The following DEFB131A variants were observed in gnomAD, a reference collection of about 807,000 sequenced individuals.
DEFB131A encodes beta-defensin 131A.
In DEFB131A, 5 loss-of-function variants were observed where a neutral mutation model predicts 2.4. That is an observed-to-expected ratio of 2.12 (90% CI 1.11 to 4.47). The LOEUF (loss-of-function observed/expected upper bound fraction) is 4.47, where lower values mean the gene tolerates loss of function less well. Among genes scored for constraint, DEFB131A ranks in the 30% most tolerant of loss-of-function variants. The pLI, the probability that DEFB131A is intolerant of heterozygous loss-of-function variation, is 0.00. For missense variants in DEFB131A, 120 were observed against 79.9 expected (o/e 1.50, Z -1.91); for synonymous variants, 34 against 25.7 (o/e 1.32, Z -0.97).
At chr4:9,448,693 T>C (rs1717569736) in intron 1 of DEFB131A, among the ~76,000 whole-genome samples, 2 of 152,164 alleles carry the variant, frequency 1.3e-5, no homozygotes, top group Non-Finnish European at 2.9e-5. Context: ...TCACCAGTAG[T>C]CCTACCTTAC....
At chr4:9,449,468 G>T (rs747995706) in intron 1 of DEFB131A, among the ~76,000 whole-genome samples, 14 of 149,242 alleles carry the variant, frequency 9.4e-5, no homozygotes, top group South Asian at 2.1e-4. Flanking sequence ...TCAATACTTC[G>T]TACTGAGAAA....
chr4:9,446,979 T>C (rs1338389650), intron 1 of DEFB131A, among the ~76,000 whole-genome samples: 17 of 152,176 alleles, frequency 1.1e-4, no homozygotes. Context: ...TTTTCAAAAT[T>C]TGTTGAAACT....
At chr4:9,449,266 C>A (rs773171717) in intron 1 of DEFB131A, among the ~76,000 whole-genome samples, 1 of 140,512 alleles carries the variant, frequency 7.1e-6, no homozygotes, top group African/African-American at 2.6e-5. Context: ...CTATTCAAAG[C>A]AATTTATAGA....
chr4:9,450,012 C>G (rs1717614066), intron 1 of DEFB131A, among the ~76,000 whole-genome samples: 2 of 152,274 alleles, frequency 1.3e-5, no homozygotes, highest in African/African-American at 4.8e-5. Context: ...TCCCCAATGA[C>G]TTTCTCAAGA....
chr4:9,446,777 T>A (rs895437820), intron 1 of DEFB131A, among the ~76,000 whole-genome samples: 1 of 152,144 alleles, frequency 6.6e-6, no homozygotes, highest in Non-Finnish European at 1.5e-5. Flanking sequence ...GGTTTTGGTA[T>A]GTTGTGTTTC....
chr4:9,446,957 T>C (rs111414318), intron 1 of DEFB131A, among the ~76,000 whole-genome samples: 7 of 152,198 alleles, frequency 4.6e-5, no homozygotes, highest in Non-Finnish European at 8.8e-5. Context: ...ATATACTTGA[T>C]ATAATGTTGA....
At chr4:9,445,813 G>T (rs764174300) in intron 1 of DEFB131A, among the ~76,000 whole-genome samples, 4 of 151,990 alleles carry the variant, frequency 2.6e-5, no homozygotes, top group African/African-American at 9.7e-5. Flanking sequence ...GTTTATAACC[G>T]CAAGAAGAAA....
In DEFB131A at chr4:9,444,514, C is replaced by A. The variant is rs763125985; in HGVS notation, c.-20C>A. 1.2e-5 allele frequency: 19 copies of A among 1,610,772 alleles called. No homozygotes were observed. The highest frequency in any genetic ancestry group is 1.5e-5 in the Non-Finnish European group (18 of 1,179,366). On this transcript the variant is annotated 5_prime_UTR_variant, in exon 1 of 2. Transcript: ENST00000334879. ...CATCTCAGCTACTGATTCTCTCTAA[C>A]CTGCTTTACCTATTCAACCATGAGG...
Position 9,450,543 on chromosome 4 carries a change from C to T in DEFB131A, c.*29C>T, listed in dbSNP as rs775716773. On this transcript the variant is annotated 3_prime_UTR_variant, in exon 2 of 2. Transcript: ENST00000334879. ...TTCTAACTCCATCTTCTTCAGACTC[C>T]GGGACAAAAAACATGTCTTAAACTC... is the stretch of plus-strand genomic sequence containing the variant. 2.1e-5 allele frequency: 34 copies of T among 1,596,208 alleles called. 1 individual carries two copies. The highest frequency in any genetic ancestry group is 1.9e-4 in the African/African-American group (14 of 74,300).
Position 9,450,272 on chromosome 4 carries a change from G to A in DEFB131A, c.59-88G>A, listed in dbSNP as rs149914451. 3.8e-5 allele frequency: 49 copies of A among 1,301,354 alleles called. No homozygotes were observed. The African/African-American group carries it at 6.2e-4, about 16-fold the overall frequency. The allele number at this position is 1,301,354 out of a possible 1,614,324, so 80.6% of individuals were successfully genotyped here. On this transcript the variant is annotated intron_variant, in intron 1 of 1. Coordinates refer to ENST00000334879, the MANE Select transcript of DEFB131A (RefSeq NM_001040448.3). ...TGTTTTTCTGGGAAAGTTCTGTAAT[G>A]TTTTTAATTTATTATAAAACATTTC...
chr4:9,448,742 G>T (rs1159921530), intron 1 of DEFB131A, among the ~76,000 whole-genome samples: 1 of 152,064 alleles, frequency 6.6e-6, no homozygotes, highest in Non-Finnish European at 1.5e-5. Flanking sequence ...ATACTCAATG[G>T]TGAAAAACTA....
intron 1 of DEFB131A, among the ~76,000 whole-genome samples, chr4:9,449,513 C>T (rs1206647218): frequency 1.3e-5 from 2 of 150,552 alleles, no homozygotes; most frequent in Non-Finnish European, 3.0e-5. Context: ...TAAAACTGGG[C>T]CTGTATCTTA....
chr4:9,445,851 C>A (rs1346676936), intron 1 of DEFB131A, among the ~76,000 whole-genome samples: 1 of 152,226 alleles, frequency 6.6e-6, no homozygotes, highest in African/African-American at 2.4e-5. Context: ...CCCTAGCAAC[C>A]ACTGATCTAA....
At chr4:9,449,720 G>T (rs1373631408) in intron 1 of DEFB131A, among the ~76,000 whole-genome samples, 1 of 152,060 alleles carries the variant, frequency 6.6e-6, no homozygotes, top group Non-Finnish European at 1.5e-5. Context: ...GAGATTATGG[G>T]TTATAGGCTC....
intron 1 of DEFB131A, among the ~76,000 whole-genome samples, chr4:9,447,399 A>C (rs1717529817): frequency 6.6e-6 from 1 of 152,134 alleles, no homozygotes; most frequent in East Asian, 1.9e-4. Flanking sequence ...TGTCCAATAT[A>C]AATATAGATG....
chr4:9,450,628 G>A lies in DEFB131A; in HGVS notation c.*114G>A, dbSNP rs1157347843. On this transcript the variant is annotated 3_prime_UTR_variant, in exon 2 of 2. Transcript: ENST00000334879. Reference sequence around the variant, plus strand: ...ATTATTATAATTGCATGTTTAGATGGTCAGGTGAAAATGAATATAAATTTT... The same window carrying A: ...ATTATTATAATTGCATGTTTAGATGATCAGGTGAAAATGAATATAAATTTT... 7.2e-7 allele frequency: 1 copy of A among 1,393,792 alleles called. No homozygotes were observed. 86.3% of individuals were successfully genotyped at this position (1,393,792 alleles called of 1,614,324 possible).
rs971398445 is a variant in DEFB131A at position 9,449,015 on chromosome 4, T to C, written c.59-1345T>C. ...AAAGTTGCAGGATAGAAAATCAACA[T>C]ACGAATATCAGTTGTGTTTCTATAG... On this transcript the variant is annotated intron_variant, in intron 1 of 1. Coordinates refer to ENST00000334879, the MANE Select transcript of DEFB131A (RefSeq NM_001040448.3). 2.0e-5 allele frequency among the ~76,000 whole-genome samples: 3 copies of C among 151,844 alleles called. No individual in the cohort carries two copies. In the East Asian group the frequency reaches 5.9e-4, roughly 30 times the overall value.
At chr4:9,445,191 G>A (rs1343608387) in intron 1 of DEFB131A, among the ~76,000 whole-genome samples, 2 of 152,130 alleles carry the variant, frequency 1.3e-5, no homozygotes, top group African/African-American at 4.8e-5. Context: ...AAAAGGAAAA[G>A]TGAATGATGA....
chr4:9,450,529 T>C lies in DEFB131A; in HGVS notation c.*15T>C, dbSNP rs562071793. On this transcript the variant is annotated 3_prime_UTR_variant, in exon 2 of 2. Transcript: ENST00000334879. ...AGAAGTGGTGAAAATTCTAACTCCATCTTCTTCAGACTCCGGGACAAAAAA... is the reference window on the plus strand; with the variant it reads ...AGAAGTGGTGAAAATTCTAACTCCACCTTCTTCAGACTCCGGGACAAAAAA... The C allele has an allele frequency of 3.7e-6, 6 of 1,605,754 alleles. No homozygotes were observed. Among genetic ancestry groups the C allele is most frequent in the East Asian group, 2.2e-5 (1 of 44,700 alleles).
Sources: gnomAD v4.1 joint callset for allele counts (sites outside exome capture counted in the v4.1 genomes callset) on GRCh38, gnomAD v4.1.1 for gene constraint, MANE v1.5 for transcripts, NCBI Gene and HGNC (gene_info 2026-07-23, HGNC 2026-07-21) for gene names.